The following CLVS1 variants were observed in gnomAD, a reference collection of about 807,000 sequenced individuals.
CLVS1 encodes clavesin 1.
CLVS1 carries 10 observed loss-of-function variants against 33.1 expected under a neutral mutation model. That is an observed-to-expected ratio of 0.30 (90% CI 0.19 to 0.51). CLVS1 has a LOEUF of 0.51. Among genes scored for constraint, CLVS1 ranks in the 20% least tolerant of loss-of-function variants. The pLI, the probability that CLVS1 is intolerant of heterozygous loss-of-function variation, is 0.97. For missense variants in CLVS1, 343 were observed against 433.4 expected, an observed-to-expected ratio of 0.79 and a Z score of 1.85; for synonymous variants, 163 against 166.1, an observed-to-expected ratio of 0.98 and a Z score of 0.14.
At chr8:61,292,428 G>A in intron 1 of CLVS1, 2 of 455,942 alleles carry the variant, frequency 4.4e-6, no homozygotes, top group Non-Finnish European at 8.8e-6. Flanking sequence ...GGAAAAGGGG[G>A]CAAATAGAGT....
intron 2 of CLVS1, among the ~76,000 whole-genome samples, chr8:61,359,089 G>A (rs904517590): frequency 6.6e-6 from 1 of 151,996 alleles, no homozygotes; most frequent in South Asian, 2.1e-4. Context: ...TCTAAATTTT[G>A]CCTTGAGAAA....
intron 3 of CLVS1, among the ~76,000 whole-genome samples, chr8:61,380,628 A>C (rs917145834): frequency 6.6e-6 from 1 of 152,174 alleles, no homozygotes; most frequent in Non-Finnish European, 1.5e-5. Flanking sequence ...AATGTGGTCA[A>C]TATAAAGTCT....
intron 2 of CLVS1, among the ~76,000 whole-genome samples, chr8:61,305,361 C>G (rs543708633): frequency 2.0e-5 from 3 of 152,084 alleles, no homozygotes; most frequent in Admixed American, 1.3e-4. Flanking sequence ...GATTAACCAC[C>G]AATCTACTCT....
At chr8:61,428,832 T>A (rs1320267720) in intron 3 of CLVS1, among the ~76,000 whole-genome samples, 3 of 152,142 alleles carry the variant, frequency 2.0e-5, no homozygotes, top group Non-Finnish European at 4.4e-5. Flanking sequence ...CAGATATTGA[T>A]CCACAACTGG....
chr8:61,499,301 G>GAAT (rs1188942892), intron 5 of CLVS1, among the ~76,000 whole-genome samples, 154 bp from the exon 6 acceptor site: 2 of 152,150 alleles, frequency 1.3e-5, no homozygotes, highest in Non-Finnish European at 2.9e-5. Flanking sequence ...TCAGCCTCCT[G>GAAT]AATAGCTGGG....
chr8:61,349,794 G>T (rs4033338), intron 2 of CLVS1, among the ~76,000 whole-genome samples: 4 of 152,082 alleles, frequency 2.6e-5, no homozygotes, highest in African/African-American at 7.2e-5. Context: ...ATAAATGGAA[G>T]TTTCACACAG....
the CLVS1 span, among the ~76,000 whole-genome samples, chr8:61,029,792 G>A: frequency 6.6e-6 from 1 of 152,078 alleles, no homozygotes; most frequent in Admixed American, 6.5e-5. Flanking sequence ...AAACATTGGG[G>A]CGTATTAGTT....
intron 5 of CLVS1, among the ~76,000 whole-genome samples, chr8:61,468,735 A>AAAAAAAAAAAAAAAAAAAAAG (rs1217287345): frequency 1.4e-5 from 2 of 138,738 alleles, no homozygotes; most frequent in African/African-American, 6.1e-5. Flanking sequence ...AAAAAAAAAA[A>AAAAAAAAAAAAAAAAAAAAAG]AAAAGGTAGT....
chr8:61,154,981 T>TGTGTGTGC (rs1201380463), intron 2 of CLVS1, among the ~76,000 whole-genome samples: 2 of 152,152 alleles, frequency 1.3e-5, no homozygotes, highest in Non-Finnish European at 2.9e-5. Context: ...TGTGAGTAGG[T>TGTGTGTGC]GTGTGTGCGT....
At chr8:61,007,710 C>A in the CLVS1 span, among the ~76,000 whole-genome samples, 2 of 152,172 alleles carry the variant, frequency 1.3e-5, no homozygotes, top group African/African-American at 4.8e-5. Flanking sequence ...TTTATAAACA[C>A]GGGCACCTGC....
At chr8:61,110,181 C>T (rs985679039) in intron 1 of CLVS1, among the ~76,000 whole-genome samples, 9 of 152,144 alleles carry the variant, frequency 5.9e-5, no homozygotes, top group Non-Finnish European at 1.2e-4. Flanking sequence ...CCAGTGGGGT[C>T]GGCCTGTAAC....
the CLVS1 span, among the ~76,000 whole-genome samples, chr8:61,011,161 G>A: frequency 6.6e-6 from 1 of 152,224 alleles, no homozygotes; most frequent in Non-Finnish European, 1.5e-5. Flanking sequence ...GCTACTGGGG[G>A]AAGCTGAGGC....
chr8:61,144,622 G>A (rs1806379083), intron 2 of CLVS1, among the ~76,000 whole-genome samples: 1 of 152,124 alleles, frequency 6.6e-6, no homozygotes, highest in Non-Finnish European at 1.5e-5. Flanking sequence ...GATCCTTGAG[G>A]AATCGCCACA....
At position 61,299,777 on chromosome 8, in the gene CLVS1, G is replaced by T; in HGVS notation, c.-51G>T. On this transcript the variant is annotated 5_prime_UTR_variant, in exon 2 of 6. Transcript: ENST00000325897. ...CTATTTGTCTGTTCCGGGGCAGCCT[G>T]GTAGTAAAACACTGTTGAATGGGCC... is the stretch of plus-strand genomic sequence containing the variant. The T allele has an allele frequency of 7.3e-7, 1 of 1,367,718 alleles. No homozygotes were observed. Among genetic ancestry groups the T allele is most frequent in the East Asian group, 2.3e-5 (1 of 43,466 alleles). The allele number at this position is 1,367,718 out of a possible 1,614,324, so 84.7% of individuals were successfully genotyped here. A position where few individuals can be genotyped will look rare whatever the true frequency, so the allele number is the denominator to read the frequency against.
Position 61,313,066 on chromosome 8 carries a change from C to T in CLVS1, c.455+12784C>T, listed in dbSNP as rs111895683. Among the ~76,000 whole-genome samples, 424 of 152,308 alleles carry T rather than the reference C, an allele frequency of 2.8e-3. 6 individuals carry two copies. The highest frequency in any genetic ancestry group is 9.2e-3 in the African/African-American group (383 of 41,566). On this transcript the variant is annotated intron_variant, in intron 2 of 5. Transcript: ENST00000325897. ...CCCTTCTGCTCCTCCTGCATCACAGCTCTTCCCACCTTCGCGTATACAGTT... is the reference window on the plus strand; with the variant it reads ...CCCTTCTGCTCCTCCTGCATCACAGTTCTTCCCACCTTCGCGTATACAGTT...
At chr8:61,102,999 T>G (rs562343872) in intron 1 of CLVS1, among the ~76,000 whole-genome samples, 1 of 152,156 alleles carries the variant, frequency 6.6e-6, no homozygotes, top group African/African-American at 2.4e-5. Flanking sequence ...TAGGCAATGA[T>G]AGTAGATCAT....
At chr8:61,068,957 G>A (rs1286857571) in intron 1 of CLVS1, among the ~76,000 whole-genome samples, 1 of 152,062 alleles carries the variant, frequency 6.6e-6, no homozygotes, top group Non-Finnish European at 1.5e-5. Context: ...CTCTTCCACA[G>A]TGCAGACTGA....
chr8:61,338,964 C>G (rs915106822), intron 2 of CLVS1, among the ~76,000 whole-genome samples: 1 of 148,520 alleles, frequency 6.7e-6, no homozygotes. Context: ...AAAGGGAACA[C>G]TGTGTGTGTG....
At chr8:61,389,674 G>A in intron 3 of CLVS1, among the ~76,000 whole-genome samples, 1 of 152,188 alleles carries the variant, frequency 6.6e-6, no homozygotes, top group East Asian at 1.9e-4. Context: ...TGAGAGCACT[G>A]GCATATCATA....
Sources: allele counts gnomAD v4.1 joint callset (sites outside exome capture counted in the v4.1 genomes callset), GRCh38; gene constraint gnomAD v4.1.1; transcripts MANE v1.5; gene names NCBI Gene and HGNC (gene_info 2026-07-23, HGNC 2026-07-21).